Variants in PDE12 observed in about 807,000 individuals in gnomAD.
PDE12 encodes the protein phosphodiesterase 12.
In PDE12, 26 loss-of-function variants were observed where a neutral mutation model predicts 45.4. The ratio of observed to expected loss-of-function variants is 0.57; its 90% CI spans 0.42 to 0.79. The LOEUF is 0.79. PDE12 is among the 30% of genes least tolerant of loss of function. The probability of loss-of-function intolerance (pLI) is 0.00; values close to 1 mark genes in which losing one functional copy is unlikely to be tolerated. For synonymous variants in PDE12, 283 were observed against 323.9 expected, an observed-to-expected ratio of 0.87 and a Z score of 1.36; for missense variants, 668 against 790.0, an observed-to-expected ratio of 0.85 and a Z score of 1.85.
chr3:57,572,214 A>G, the PDE12 span: 1 of 1,612,720 alleles, frequency 6.2e-7, no homozygotes, highest in Non-Finnish European at 8.5e-7. Flanking sequence ...AATTTCATTT[A>G]ACGTTTTGAA....
the PDE12 span, chr3:57,625,542 A>G: frequency 6.6e-6 from 1 of 152,602 alleles, no homozygotes; most frequent in Non-Finnish European, 1.5e-5. Context: ...AATAGAAGGC[A>G]CTAGGCATTA....
At chr3:57,585,810 G>A in the PDE12 span, among the ~76,000 whole-genome samples, 1 of 151,788 alleles carries the variant, frequency 6.6e-6, no homozygotes, top group African/African-American at 2.4e-5. Flanking sequence ...TTACAGGTGC[G>A]TGCCACCACA....
the PDE12 span, among the ~76,000 whole-genome samples, chr3:57,595,114 TC>T: frequency 1.6e-4 from 24 of 152,218 alleles, no homozygotes; most frequent in Non-Finnish European, 2.6e-4. Flanking sequence ...CCCATTTTCT[TC>T]GAATCATTTT....
chr3:57,560,768 A>C lies in PDE12; in HGVS notation c.*764A>C, dbSNP rs1368006411. 4 of 985,510 alleles carry C rather than the reference A, an allele frequency of 4.1e-6. No individual in the cohort carries two copies. The East Asian group carries it at 4.5e-4, about 112-fold the overall frequency. 61.0% of individuals were successfully genotyped at this position (985,510 alleles called of 1,614,324 possible). ...ATGTACTAAGAGGGAAAATGTATTTAAGTTAAGGGTGAGAGACTTAAGTTA... is the reference window on the plus strand; with the variant it reads ...ATGTACTAAGAGGGAAAATGTATTTCAGTTAAGGGTGAGAGACTTAAGTTA... On this transcript the variant is annotated 3_prime_UTR_variant, in exon 3 of 3. Coordinates refer to ENST00000311180, the MANE Select transcript of PDE12 (RefSeq NM_177966.7).
chr3:57,570,882 C>A (rs534833963), downstream of PDE12, among the ~76,000 whole-genome samples: 73 of 152,242 alleles, frequency 4.8e-4, 1 homozygote, highest in South Asian at 9.3e-3. Flanking sequence ...AACTAAAAAA[C>A]ACATACATAC....
chr3:57,614,537 G>GTTTTGTT, the PDE12 span, among the ~76,000 whole-genome samples: 1 of 95,060 alleles, frequency 1.1e-5, no homozygotes, highest in Non-Finnish European at 2.2e-5. Flanking sequence ...TTTTTTTTTT[G>GTTTTGTT]TTTTTTGTTT....
the PDE12 span, chr3:57,628,164 G>C: frequency 6.3e-7 from 1 of 1,584,228 alleles, no homozygotes. Flanking sequence ...TGAAATGTCA[G>C]TATGCTTCAT....
chr3:57,611,463 A>G, the PDE12 span, among the ~76,000 whole-genome samples: 1 of 152,214 alleles, frequency 6.6e-6, no homozygotes, highest in Non-Finnish European at 1.5e-5. Flanking sequence ...AGAATGGGAG[A>G]AAATTTTTGC....
the PDE12 span, among the ~76,000 whole-genome samples, chr3:57,611,476 T>C: frequency 3.9e-5 from 6 of 152,102 alleles, no homozygotes; most frequent in African/African-American, 1.4e-4. Context: ...ATTTTTGCAA[T>C]CTACTCATCT....
At chr3:57,646,544 G>C in the PDE12 span, 3 of 1,404,452 alleles carry the variant, frequency 2.1e-6, no homozygotes, top group Non-Finnish European at 2.8e-6. Flanking sequence ...AATTCTTCCT[G>C]CTATTTGTAT....
chr3:57,568,576 TAC>T (rs1388135078), downstream of PDE12, among the ~76,000 whole-genome samples: 1 of 151,080 alleles, frequency 6.6e-6, no homozygotes, highest in Non-Finnish European at 1.5e-5. Context: ...CCACAAAAGA[TAC>T]ACTTCTTTTT....
In PDE12 at chr3:57,561,856, GA is replaced by G; in HGVS notation, c.*1854del. The G allele has an allele frequency of 5.1e-6, 5 of 985,256 alleles. No homozygotes were observed. The highest frequency in any genetic ancestry group is 6.0e-6 in the Non-Finnish European group (5 of 829,832). The allele number at this position is 985,256 out of a possible 1,614,324, so 61.0% of individuals were successfully genotyped here. On this transcript the variant is annotated 3_prime_UTR_variant, in exon 3 of 3. Coordinates refer to ENST00000311180, the MANE Select transcript of PDE12 (RefSeq NM_177966.7). ...AGGGGTTTTATCTGCATTTGACATT[GA>G]ACCTTGAAGTACTTTAAGTACTCCA...
chr3:57,608,972 C>G, the PDE12 span, among the ~76,000 whole-genome samples: 1 of 152,114 alleles, frequency 6.6e-6, no homozygotes, highest in South Asian at 2.1e-4. Context: ...CAAAATTGAT[C>G]ACATAGTTGG....
the PDE12 span, among the ~76,000 whole-genome samples, chr3:57,644,327 C>T: frequency 2.6e-5 from 4 of 151,896 alleles, no homozygotes; most frequent in African/African-American, 9.7e-5. Context: ...TTTTTTGAGA[C>T]AGGGTCTCAC....
At chr3:57,651,716 ATC>A in the PDE12 span, among the ~76,000 whole-genome samples, 1 of 152,160 alleles carries the variant, frequency 6.6e-6, no homozygotes, top group South Asian at 2.1e-4. Context: ...AACCCGGAAT[ATC>A]TCACACCAGA....
At chr3:57,639,260 C>T in the PDE12 span, among the ~76,000 whole-genome samples, 4 of 152,206 alleles carry the variant, frequency 2.6e-5, no homozygotes, top group African/African-American at 4.8e-5. Flanking sequence ...AAAATGACAA[C>T]ATCAAATGTT....
the PDE12 span, chr3:57,583,812 T>C: frequency 3.3e-6 from 3 of 909,330 alleles, no homozygotes; most frequent in Non-Finnish European, 5.2e-6. Flanking sequence ...TAAACACCAA[T>C]ATCCAAGTAA....
At chr3:57,633,744 G>C in the PDE12 span, among the ~76,000 whole-genome samples, 1 of 151,734 alleles carries the variant, frequency 6.6e-6, no homozygotes, top group Non-Finnish European at 1.5e-5. Flanking sequence ...ACAAAAATTA[G>C]CTGGGTGTGG....
At chr3:57,610,329 C>T in the PDE12 span, among the ~76,000 whole-genome samples, 68 of 152,192 alleles carry the variant, frequency 4.5e-4, 2 homozygotes, top group South Asian at 6.7e-3. Context: ...TGGCACAAGA[C>T]GGGGATGCCC....
Sources: allele counts gnomAD v4.1 joint callset (sites outside exome capture counted in the v4.1 genomes callset), GRCh38; gene constraint gnomAD v4.1.1; transcripts MANE v1.5; gene names NCBI Gene and HGNC (gene_info 2026-07-23, HGNC 2026-07-21).